CFI: variants seen among roughly 807,000 people sequenced by gnomAD.
CFI encodes C3B/C4B inactivator.
Under a neutral mutation model 78.8 loss-of-function variants are expected in CFI, and 66 were observed. The ratio of observed to expected loss-of-function variants is 0.84; its 90% CI spans 0.69 to 1.03. The LOEUF (loss-of-function observed/expected upper bound fraction) is 1.03, where lower values mean the gene tolerates loss of function less well. Ranked by LOEUF, CFI falls within the 50% of genes least tolerant of loss-of-function variation. The pLI, the probability that CFI is intolerant of heterozygous loss-of-function variation, is 0.00. For synonymous variants in CFI, 250 were observed against 232.6 expected, an observed-to-expected ratio of 1.07 and a Z score of -0.68; for missense variants, 706 against 704.5, an observed-to-expected ratio of 1.00 and a Z score of -0.02.
At chr4:109,758,017 A>T in intron 6 of CFI, 2 of 1,239,738 alleles carry the variant, frequency 1.6e-6, no homozygotes, top group Non-Finnish European at 1.1e-6. Flanking sequence ...TTTGAATAAA[A>T]TATGCACAAA....
At chr4:109,778,093 A>G (rs1272646457) in intron 1 of CFI, among the ~76,000 whole-genome samples, 1 of 152,210 alleles carries the variant, frequency 6.6e-6, no homozygotes, top group East Asian at 1.9e-4. Flanking sequence ...AAGAGCAAAC[A>G]CATTCAAAAG....
At chr4:109,753,476 A>C (rs1462261840) in intron 7 of CFI, among the ~76,000 whole-genome samples, 1 of 86,726 alleles carries the variant, frequency 1.2e-5, no homozygotes, top group African/African-American at 4.8e-5. Flanking sequence ...TATATTAATA[A>C]ATATTTATAA....
chr4:109,756,897 G>GAAAGAAAGAAAGAAAGAAAGAAAGAAA (rs1726266775), intron 7 of CFI, among the ~76,000 whole-genome samples: 3 of 21,928 alleles, frequency 1.4e-4, no homozygotes, highest in African/African-American at 4.7e-4. Flanking sequence ...AGGAAAGAAA[G>GAAAGAAAGAAAGAAAGAAAGAAAGAAA]AAAGAAAGAA....
At chr4:109,736,027 C>T (rs546630891), downstream of CFI, among the ~76,000 whole-genome samples, 298 of 152,346 alleles carry the variant, frequency 2.0e-3, 4 homozygotes, top group Middle Eastern at 0.027. Context: ...ATGACCTTCA[C>T]TATGGCGTCC....
Position 109,749,422 on chromosome 4 carries a change from A to G in CFI, c.1044+77T>C, listed in dbSNP as rs552434263. The G allele has an allele frequency of 5.6e-5, 83 of 1,475,490 alleles. No individual in the cohort carries two copies. The African/African-American group carries it at 1.1e-3, about 19-fold the overall frequency. 91.4% of individuals were successfully genotyped at this position (1,475,490 alleles called of 1,614,324 possible). ...AAGACTCCCAGTCTCTTATAATTAC[A>G]TCATCCTCCTGCCCCTTTCCCCCCA... On this transcript the variant is annotated intron_variant, in intron 9 of 12. Coordinates refer to ENST00000394634, the MANE Select transcript of CFI (RefSeq NM_000204.5).
intron 1 of CFI, among the ~76,000 whole-genome samples, chr4:109,770,367 C>T (rs1728411837): frequency 1.3e-5 from 2 of 151,874 alleles, no homozygotes; most frequent in African/African-American, 4.8e-5. Flanking sequence ...TGAGACCAAC[C>T]TGGCTAACAT....
chr4:109,783,254 T>C (rs1335264416), intron 1 of CFI, among the ~76,000 whole-genome samples: 1 of 152,050 alleles, frequency 6.6e-6, no homozygotes, highest in Non-Finnish European at 1.5e-5. Flanking sequence ...CCATAGGGTG[T>C]GAGAAAATCT....
In CFI at chr4:109,746,412, ATCCACGTAT is replaced by A; in HGVS notation, c.1230_1238del (p.Glu410_Val412del). 6.2e-7 allele frequency: 1 copy of A among 1,613,936 alleles called. No homozygotes were observed. On this transcript the variant is annotated inframe_deletion, in exon 11 of 13. Coordinates refer to ENST00000394634, the MANE Select transcript of CFI (RefSeq NM_000204.5). Reference sequence around the variant, plus strand: ...TGTAGTTTTCATGGAAAATAATTCTATCCACGTATTCAATTACTATACGTTTAAGGTCGG... The same window carrying A: ...TGTAGTTTTCATGGAAAATAATTCTATCAATTACTATACGTTTAAGGTCGG...
At chr4:109,757,810 A>G in intron 6 of CFI, 27 bp from the exon 7 acceptor site, 1 of 1,341,854 alleles carries the variant, frequency 7.5e-7, no homozygotes, top group Non-Finnish European at 1.0e-6. Context: ...CAAAAAATTT[A>G]TCAAAGGATA....
At chr4:109,735,483 A>G in the CFI span, among the ~76,000 whole-genome samples, 1 of 152,234 alleles carries the variant, frequency 6.6e-6, no homozygotes, top group Admixed American at 6.5e-5. Context: ...GTGTTATTTT[A>G]AATAACAAAA....
At chr4:109,781,390 G>T (rs777860724) in intron 1 of CFI, among the ~76,000 whole-genome samples, 1 of 152,110 alleles carries the variant, frequency 6.6e-6, no homozygotes, top group Admixed American at 6.6e-5. Context: ...ACATCTTTAC[G>T]CACATAAACT....
chr4:109,758,300 C>T (rs79891491), intron 6 of CFI, among the ~76,000 whole-genome samples: 3,240 of 151,822 alleles, frequency 0.021, 58 homozygotes, highest in Middle Eastern at 0.055. Context: ...ACTAATGGAA[C>T]CCCACCACCT....
chr4:109,767,200 C>T, intron 1 of CFI, among the ~76,000 whole-genome samples: 1 of 152,118 alleles, frequency 6.6e-6, no homozygotes, highest in Non-Finnish European at 1.5e-5. Flanking sequence ...CTAGGCAATA[C>T]CATTCAGGAC....
chr4:109,749,605 T>C lies in CFI; in HGVS notation c.941-3A>G. The C allele has an allele frequency of 2.6e-6, 4 of 1,558,120 alleles. No individual in the cohort carries two copies. The highest frequency in any genetic ancestry group is 3.5e-6 in the Non-Finnish European group (4 of 1,129,188). Reference sequence around the variant, plus strand: ...TAATGATTTTATCCGTCTTCTTTCTTCAAGAAAGGAAGAGATTACATCATT... The same window carrying C: ...TAATGATTTTATCCGTCTTCTTTCTCCAAGAAAGGAAGAGATTACATCATT... On this transcript the variant is annotated splice_polypyrimidine_tract_variant and splice_region_variant and intron_variant, in intron 8 of 12. Transcript: ENST00000394634.
chr4:109,797,374 A>C (rs961125334), intron 1 of CFI, among the ~76,000 whole-genome samples: 7 of 152,218 alleles, frequency 4.6e-5, no homozygotes, highest in Non-Finnish European at 8.8e-5. Context: ...GGAAATCCAC[A>C]TGCAAAAACT....
At chr4:109,778,073 C>T (rs1729506582) in intron 1 of CFI, among the ~76,000 whole-genome samples, 1 of 152,082 alleles carries the variant, frequency 6.6e-6, no homozygotes. Flanking sequence ...ATTAAAAGAA[C>T]TAGAGAAGCA....
rs56367098 is a variant in CFI, at chr4:109,754,412, T to TAAA, written c.905-1912_905-1910dup. Among the ~76,000 whole-genome samples, 955 of 131,984 alleles carry TAAA rather than the reference T, an allele frequency of 7.2e-3. 10 individuals carry two copies. The highest frequency in any genetic ancestry group is 0.053 in the East Asian group (238 of 4,528). 86.6% of individuals were successfully genotyped at this position (131,984 alleles called of 152,430 possible). On this transcript the variant is annotated intron_variant, in intron 7 of 12. Transcript: ENST00000394634. ...CATTAGGCATCTGGGATGCAGAAGT[T>TAAA]AAAAAAAAAAAAAAGAATCTTCTTT... is the stretch of plus-strand genomic sequence containing the variant.
intron 11 of CFI, 39 bp from the exon 12 acceptor site, chr4:109,742,634 A>T: frequency 7.9e-7 from 1 of 1,263,164 alleles, no homozygotes. Context: ...GAAGTCACAA[A>T]TGAGAAATCT....
At chr4:109,752,965 T>TATTAATAA (rs1561292033) in intron 7 of CFI, among the ~76,000 whole-genome samples, 2 of 111,244 alleles carry the variant, frequency 1.8e-5, no homozygotes, top group South Asian at 4.8e-4. Context: ...ATATTTATTA[T>TATTAATAA]ATATTTATTA....
Sources: allele counts gnomAD v4.1 joint callset (sites outside exome capture counted in the v4.1 genomes callset), GRCh38; gene constraint gnomAD v4.1.1; transcripts MANE v1.5; gene names NCBI Gene and HGNC (gene_info 2026-07-23, HGNC 2026-07-21).